The following RASA1 variants were observed in gnomAD, a reference collection of about 807,000 sequenced individuals.
The protein encoded by RASA1 is RAS p21 protein activator 1.
In RASA1, 25 loss-of-function variants were observed where a neutral mutation model predicts 132.2. The observed-to-expected ratio is 0.19, with a 90% CI of 0.14 to 0.26. The LOEUF is 0.26. Ranked by LOEUF, RASA1 falls within the 10% of genes least tolerant of loss-of-function variation. The probability of loss-of-function intolerance (pLI) is 1.00; values close to 1 mark genes in which losing one functional copy is unlikely to be tolerated. For missense variants in RASA1, 964 were observed against 1,299.2 expected (o/e 0.74, Z 3.97); for synonymous variants, 477 against 449.9 (o/e 1.06, Z -0.76).
intron 20 of RASA1, among the ~76,000 whole-genome samples, chr5:87,383,208 G>A (rs1761845489): frequency 6.6e-6 from 1 of 152,094 alleles, no homozygotes; most frequent in African/African-American, 2.4e-5. Context: ...ATTTTTATGT[G>A]AATCATCAAC....
rs1758460585 is a variant in RASA1, at chr5:87,341,563, T to TTC, written c.1049+242_1049+243insTC. ...TTATCACCACACTGAAGACTTTGAA[T>TTC]AAACACTACATTTATAACATTATGA... On this transcript the variant is annotated intron_variant, in intron 6 of 24. Coordinates refer to ENST00000274376, the MANE Select transcript of RASA1 (RefSeq NM_002890.3). 2.0e-5 allele frequency among the ~76,000 whole-genome samples: 3 copies of TTC among 152,164 alleles called. No homozygotes were observed. The South Asian group carries it at 6.2e-4, about 32-fold the overall frequency.
intron 8 of RASA1, among the ~76,000 whole-genome samples, chr5:87,351,190 AAGCAGAAGAGGCATTTAAT>A (rs971731278): frequency 6.6e-6 from 1 of 151,728 alleles, no homozygotes; most frequent in Non-Finnish European, 1.5e-5. Flanking sequence ...TAAAAAAAAA[AAGCAGAAGAGGCATTTAAT>A]AGCAAATTTA....
intron 13 of RASA1, among the ~76,000 whole-genome samples, chr5:87,372,448 C>T (rs1024346190): frequency 6.6e-6 from 1 of 152,110 alleles, no homozygotes; most frequent in Non-Finnish European, 1.5e-5. Context: ...ACAGCAGAAA[C>T]GGTTCTGTTG....
At chr5:87,327,981 A>G (rs1046053920) in intron 1 of RASA1, among the ~76,000 whole-genome samples, 5 of 152,154 alleles carry the variant, frequency 3.3e-5, no homozygotes, top group South Asian at 2.1e-4. Context: ...AAAAAAAAAA[A>G]AGAGAGAGAA....
intron 1 of RASA1, among the ~76,000 whole-genome samples, chr5:87,275,547 C>T (rs1011914549): frequency 2.0e-5 from 3 of 151,476 alleles, no homozygotes; most frequent in Non-Finnish European, 2.9e-5. Context: ...CTACCCATGT[C>T]GTCTCTCCAC....
At chr5:87,385,163 C>A (rs995428097) in intron 21 of RASA1, 138 bp from the exon 22 acceptor site, 2 of 673,196 alleles carry the variant, frequency 3.0e-6, no homozygotes, top group South Asian at 3.4e-5. Context: ...AACATTTTTC[C>A]AAAAACATTC....
chr5:87,280,416 G>A (rs1352223005), intron 1 of RASA1, among the ~76,000 whole-genome samples: 4 of 151,884 alleles, frequency 2.6e-5, no homozygotes, highest in South Asian at 2.1e-4. Context: ...AGGTTCAAGC[G>A]ATTTTCCTGC....
intron 1 of RASA1, among the ~76,000 whole-genome samples, chr5:87,273,037 A>G (rs2112231564): frequency 6.6e-6 from 1 of 152,360 alleles, no homozygotes; most frequent in Non-Finnish European, 1.5e-5. Flanking sequence ...TGAGTCCACA[A>G]GTGGCTTGTT....
intron 5 of RASA1, among the ~76,000 whole-genome samples, chr5:87,340,282 C>A (rs1451490010): frequency 6.6e-6 from 1 of 152,040 alleles, no homozygotes; most frequent in Non-Finnish European, 1.5e-5. Context: ...AAAATTGTTT[C>A]CTTCTGTATT....
At chr5:87,273,797 A>C (rs1753953180) in intron 1 of RASA1, among the ~76,000 whole-genome samples, 1 of 150,206 alleles carries the variant, frequency 6.7e-6, no homozygotes, top group African/African-American at 2.5e-5. Context: ...TCCCGGATTC[A>C]GGTGATTCTC....
chr5:87,310,721 C>T (rs1370618365), intron 1 of RASA1, among the ~76,000 whole-genome samples: 5 of 152,120 alleles, frequency 3.3e-5, no homozygotes, highest in Non-Finnish European at 7.4e-5. Context: ...TTCAAGAAGT[C>T]TGTAAAGTCA....
chr5:87,376,673 A>G, intron 16 of RASA1, 108 bp downstream of exon 16: 2 of 1,375,238 alleles, frequency 1.5e-6, no homozygotes, highest in Non-Finnish European at 2.0e-6. Flanking sequence ...TTAGTAGCAC[A>G]ATGATGCCAG....
At chr5:87,382,777 A>G (rs1181632061) in intron 20 of RASA1, among the ~76,000 whole-genome samples, 3 of 152,108 alleles carry the variant, frequency 2.0e-5, no homozygotes, top group Admixed American at 6.6e-5. Context: ...TAGAATTCCT[A>G]ATGTCTTGTC....
intron 7 of RASA1, 71 bp downstream of exon 7, chr5:87,346,795 A>T (rs1758895254): frequency 8.1e-7 from 1 of 1,229,844 alleles, no homozygotes; most frequent in East Asian, 2.4e-5. Flanking sequence ...ACCATTTATC[A>T]TGTGTTTTGC....
chr5:87,342,130 C>G (rs1243034804), intron 6 of RASA1, among the ~76,000 whole-genome samples: 3 of 151,200 alleles, frequency 2.0e-5, no homozygotes, highest in Non-Finnish European at 4.4e-5. Context: ...CTACCTATAT[C>G]AGGAGTTTCA....
In RASA1 at chr5:87,349,049, T is replaced by A. The variant is rs1384859833; in HGVS notation, c.1103-165T>A. Among the ~76,000 whole-genome samples, 3 of 151,724 alleles carry A rather than the reference T, an allele frequency of 2.0e-5. No individual in the cohort carries two copies. In the South Asian group the frequency reaches 6.2e-4, roughly 32 times the overall value. ...GACAAGCAATGTGGATGGTTGTGAA[T>A]CATAAACCAGAAAATTTGAAAGAAA... On this transcript the variant is annotated intron_variant, in intron 7 of 24. Coordinates refer to ENST00000274376, the MANE Select transcript of RASA1 (RefSeq NM_002890.3).
At chr5:87,330,897 A>G in intron 1 of RASA1, 2 of 1,267,054 alleles carry the variant, frequency 1.6e-6, no homozygotes, top group East Asian at 2.7e-5. Context: ...GTCGCAGGGC[A>G]CAAACACTAA....
At position 87,383,798 on chromosome 5, in the gene RASA1, C is replaced by A; in HGVS notation, c.2758+18C>A. The A allele has an allele frequency of 6.3e-7, 1 of 1,574,940 alleles. No individual in the cohort carries two copies. On this transcript the variant is annotated intron_variant, in intron 21 of 24. Coordinates refer to ENST00000274376, the MANE Select transcript of RASA1 (RefSeq NM_002890.3). ...CATCTCAGGTAATCAGCTTTTGATA[C>A]ATTTTGAAATTCAAAATATTAGAAT...
At chr5:87,282,264 T>G (rs1754351883) in intron 1 of RASA1, among the ~76,000 whole-genome samples, 1 of 152,220 alleles carries the variant, frequency 6.6e-6, no homozygotes, top group Non-Finnish European at 1.5e-5. Context: ...CTAGTAACAA[T>G]TTATTCGTTT....
Sources: allele counts gnomAD v4.1 joint callset (sites outside exome capture counted in the v4.1 genomes callset), GRCh38; gene constraint gnomAD v4.1.1; transcripts MANE v1.5; gene names NCBI Gene and HGNC (gene_info 2026-07-23, HGNC 2026-07-21).